The following ULK4 variants were observed in gnomAD, a reference collection of about 807,000 sequenced individuals.
The protein encoded by ULK4 is inactive serine/threonine-protein kinase ULK4.
A neutral mutation model predicts 160.6 loss-of-function variants in ULK4; 133 were observed. That is an observed-to-expected ratio of 0.83 (90% CI 0.72 to 0.96). The LOEUF is 0.96. ULK4 is among the 40% of genes least tolerant of loss of function. The pLI is 0.00. For synonymous variants in ULK4, 534 were observed against 539.8 expected, an observed-to-expected ratio of 0.99 and a Z score of 0.15; for missense variants, 1,580 against 1,499.5, an observed-to-expected ratio of 1.05 and a Z score of -0.89.
intron 2 of ULK4, among the ~76,000 whole-genome samples, chr3:41,951,152 A>C (rs1469915023): frequency 6.7e-6 from 1 of 149,648 alleles, no homozygotes; most frequent in Non-Finnish European, 1.5e-5. Context: ...CTCAAAAAAA[A>C]AAAAAAAAAA....
rs553277281 is a variant in ULK4 at position 41,925,285 on chromosome 3, C to T, written c.542-5467G>A. The stretch of plus-strand genomic sequence containing the variant: ...AAGCAAGGTGGGGTGTTGCCTCACC[C>T]GGGAAGCGCTAGGGGTCAGGGAACT... On this transcript the variant is annotated intron_variant, in intron 5 of 36. Transcript: ENST00000301831. Among the ~76,000 whole-genome samples, 5 of 152,238 alleles carry T rather than the reference C, an allele frequency of 3.3e-5. No homozygotes were observed. The South Asian group carries it at 8.3e-4, about 25-fold the overall frequency.
At chr3:41,611,499 C>T (rs890342280) in intron 31 of ULK4, among the ~76,000 whole-genome samples, 3 of 152,334 alleles carry the variant, frequency 2.0e-5, no homozygotes, top group African/African-American at 4.8e-5. Context: ...ACATCTGAGA[C>T]GTGTTCTGTA....
intron 32 of ULK4, among the ~76,000 whole-genome samples, chr3:41,482,516 T>C (rs2084364719): frequency 6.6e-6 from 1 of 152,164 alleles, no homozygotes; most frequent in Non-Finnish European, 1.5e-5. Flanking sequence ...ATAAAAATAG[T>C]TCTTGCCTAA....
At chr3:41,547,676 C>G (rs1002482132) in intron 32 of ULK4, among the ~76,000 whole-genome samples, 1 of 152,108 alleles carries the variant, frequency 6.6e-6, no homozygotes, top group Non-Finnish European at 1.5e-5. Context: ...TTCTGAGCAC[C>G]CAGCTCCCAC....
At chr3:41,423,885 C>T (rs912310507) in intron 34 of ULK4, among the ~76,000 whole-genome samples, 1 of 152,184 alleles carries the variant, frequency 6.6e-6, no homozygotes, top group Admixed American at 6.5e-5. Context: ...TCAAGAGATC[C>T]CCCTCATGAG....
At chr3:41,513,211 G>GA (rs1302768362) in intron 32 of ULK4, among the ~76,000 whole-genome samples, 5 of 152,220 alleles carry the variant, frequency 3.3e-5, no homozygotes, top group East Asian at 1.9e-4. Flanking sequence ...GATAACACCA[G>GA]AAAAAACCCT....
chr3:41,594,021 G>T (rs575360435), intron 31 of ULK4, among the ~76,000 whole-genome samples: 1 of 152,174 alleles, frequency 6.6e-6, no homozygotes, highest in East Asian at 1.9e-4. Flanking sequence ...CTCCAGCCTG[G>T]GTGACAGAGC....
At chr3:41,249,261 C>G (rs986082354) in intron 36 of ULK4, among the ~76,000 whole-genome samples, 5 of 152,304 alleles carry the variant, frequency 3.3e-5, no homozygotes, top group Non-Finnish European at 5.9e-5. Flanking sequence ...TTTCTCTCCC[C>G]CTGTTGATTC....
chr3:41,642,637 C>T (rs991801203), intron 30 of ULK4, among the ~76,000 whole-genome samples: 4 of 152,172 alleles, frequency 2.6e-5, no homozygotes, highest in Admixed American at 6.5e-5. Flanking sequence ...GTGAACAGTG[C>T]CGCAATAAAC....
At chr3:41,602,252 AAAGGAAAGG>A (rs2032119146) in intron 31 of ULK4, among the ~76,000 whole-genome samples, 6 of 10,882 alleles carry the variant, frequency 5.5e-4, no homozygotes, top group Admixed American at 1.1e-3. Context: ...AGGAAGAGAA[AAAGGAAAGG>A]AAAGGAAAGG....
At chr3:41,436,032 G>C (rs574353675) in intron 34 of ULK4, among the ~76,000 whole-genome samples, 191 of 152,252 alleles carry the variant, frequency 1.3e-3, no homozygotes, top group Non-Finnish European at 2.4e-3. Flanking sequence ...AAGGTTTTTT[G>C]ACTTTATGAT....
intron 32 of ULK4, among the ~76,000 whole-genome samples, chr3:41,472,243 C>CT (rs773017588): frequency 1.3e-5 from 2 of 151,842 alleles, no homozygotes; most frequent in African/African-American, 2.4e-5. Context: ...TTCCTAAACA[C>CT]ATATAACCTA....
intron 19 of ULK4, among the ~76,000 whole-genome samples, chr3:41,813,769 T>G (rs1460152757): frequency 6.6e-6 from 1 of 152,252 alleles, no homozygotes; most frequent in African/African-American, 2.4e-5. Flanking sequence ...TCTTTGTGGG[T>G]ACTCACAATT....
chr3:41,306,106 GCCACC>G (rs2079917849), intron 35 of ULK4, among the ~76,000 whole-genome samples: 4 of 135,102 alleles, frequency 3.0e-5, no homozygotes, highest in Admixed American at 7.2e-5. Flanking sequence ...CCGCCCGGCC[GCCACC>G]CCGTCCGGGA....
intron 30 of ULK4, among the ~76,000 whole-genome samples, chr3:41,649,253 C>A (rs370682762): frequency 6.6e-6 from 1 of 152,118 alleles, no homozygotes; most frequent in South Asian, 2.1e-4. Flanking sequence ...CCATTTGGAG[C>A]GGCCTCTCCA....
At chr3:41,853,353 C>G (rs774579006) in intron 17 of ULK4, among the ~76,000 whole-genome samples, 4 of 152,128 alleles carry the variant, frequency 2.6e-5, no homozygotes, top group Non-Finnish European at 5.9e-5. Context: ...GAGACACTTC[C>G]ATCCACCCCC....
intron 32 of ULK4, among the ~76,000 whole-genome samples, chr3:41,536,604 T>C (rs1239474110): frequency 2.6e-5 from 4 of 152,182 alleles, no homozygotes; most frequent in Admixed American, 6.5e-5. Context: ...TGTATTCTTA[T>C]AACAAAGTAA....
chr3:41,757,703 G>A (rs796591831), intron 21 of ULK4, among the ~76,000 whole-genome samples: 129 of 150,118 alleles, frequency 8.6e-4, no homozygotes, highest in African/African-American at 3.1e-3. Flanking sequence ...GTGCAATCTC[G>A]GCTCACTGTA....
chr3:41,571,997 C>T (rs1459012751), intron 31 of ULK4, among the ~76,000 whole-genome samples: 1 of 152,142 alleles, frequency 6.6e-6, no homozygotes, highest in East Asian at 1.9e-4. Flanking sequence ...GTATTGAGAA[C>T]TTACTATGTG....
Sources: gnomAD v4.1 joint callset for allele counts (sites outside exome capture counted in the v4.1 genomes callset) on GRCh38, gnomAD v4.1.1 for gene constraint, MANE v1.5 for transcripts, NCBI Gene and HGNC (gene_info 2026-07-23, HGNC 2026-07-21) for gene names.